The following DGKB variants were observed in gnomAD, a reference collection of about 807,000 sequenced individuals.
DGKB encodes 90 kDa diacylglycerol kinase.
A neutral mutation model predicts 114.3 loss-of-function variants in DGKB; 67 were observed. The ratio of observed to expected loss-of-function variants is 0.59; its 90% CI spans 0.48 to 0.72. DGKB has a LOEUF of 0.72. DGKB is among the 30% of genes least tolerant of loss of function. The probability of loss-of-function intolerance (pLI) is 0.00; values close to 1 mark genes in which losing one functional copy is unlikely to be tolerated. For synonymous variants in DGKB, 398 were observed against 323.1 expected, an observed-to-expected ratio of 1.23 and a Z score of -2.49; for missense variants, 907 against 975.2, an observed-to-expected ratio of 0.93 and a Z score of 0.93.
chr7:14,380,363 C>T (rs1182206585), intron 21 of DGKB, among the ~76,000 whole-genome samples: 1 of 151,974 alleles, frequency 6.6e-6, no homozygotes, highest in African/African-American at 2.4e-5. Context: ...GTCTGATAAT[C>T]AGTGGTTATT....
intron 23 of DGKB, among the ~76,000 whole-genome samples, chr7:14,217,700 A>T (rs2128317720): frequency 6.6e-6 from 1 of 152,132 alleles, no homozygotes; most frequent in African/African-American, 2.4e-5. Context: ...CCACATATAG[A>T]CCTGTATGAA....
chr7:14,293,565 A>T (rs1802088082), intron 23 of DGKB, among the ~76,000 whole-genome samples: 1 of 152,204 alleles, frequency 6.6e-6, no homozygotes, highest in African/African-American at 2.4e-5. Context: ...AAAAACACAT[A>T]AATCATCTGT....
chr7:14,551,375 T>G (rs1279541562), intron 20 of DGKB, among the ~76,000 whole-genome samples: 1 of 152,230 alleles, frequency 6.6e-6, no homozygotes, highest in Non-Finnish European at 1.5e-5. Flanking sequence ...ACACAGCATG[T>G]GATACTAATT....
intron 1 of DGKB, among the ~76,000 whole-genome samples, chr7:14,950,544 A>G (rs1786131872): frequency 1.3e-5 from 2 of 151,968 alleles, no homozygotes; most frequent in Non-Finnish European, 1.5e-5. Flanking sequence ...AAAAGACACA[A>G]ATTACTAAAA....
At chr7:14,840,355 G>T (rs1481822202) in intron 2 of DGKB, among the ~76,000 whole-genome samples, 3 of 151,514 alleles carry the variant, frequency 2.0e-5, no homozygotes, top group African/African-American at 7.3e-5. Context: ...AAGTCTTTTG[G>T]TGCCTGCTAT....
intron 17 of DGKB, among the ~76,000 whole-genome samples, chr7:14,587,662 G>C (rs761323444): frequency 4.6e-5 from 7 of 151,952 alleles, no homozygotes; most frequent in Non-Finnish European, 7.4e-5. Context: ...GAAACTACTA[G>C]AGCCACCTCC....
chr7:14,374,838 A>AC (rs1288422680), intron 21 of DGKB, among the ~76,000 whole-genome samples: 2 of 151,964 alleles, frequency 1.3e-5, no homozygotes, highest in Non-Finnish European at 2.9e-5. Flanking sequence ...TGTGATTACT[A>AC]CCCCCAACCT....
At chr7:14,203,111 G>C (rs1223579329) in intron 23 of DGKB, among the ~76,000 whole-genome samples, 1 of 128,338 alleles carries the variant, frequency 7.8e-6, no homozygotes, top group Non-Finnish European at 1.5e-5. Context: ...AAAATCAACA[G>C]ATGTGCGAAT....
intron 13 of DGKB, among the ~76,000 whole-genome samples, chr7:14,632,585 G>C (rs1174164496): frequency 1.3e-5 from 2 of 151,812 alleles, no homozygotes; most frequent in Non-Finnish European, 2.9e-5. Flanking sequence ...ACGCCTAAAA[G>C]TGTGTAAAAA....
intron 2 of DGKB, among the ~76,000 whole-genome samples, chr7:14,831,548 G>A (rs1299203964): frequency 6.6e-6 from 1 of 151,966 alleles, no homozygotes; most frequent in African/African-American, 2.4e-5. Context: ...CTCTCTGCTT[G>A]TGCAGATGTG....
intron 20 of DGKB, among the ~76,000 whole-genome samples, chr7:14,481,381 G>A (rs1356864254): frequency 1.3e-5 from 2 of 151,890 alleles, no homozygotes; most frequent in South Asian, 2.1e-4. Flanking sequence ...TATGTATTGA[G>A]ATCCCAGAGC....
At chr7:14,937,581 T>C (rs909095398) in intron 1 of DGKB, among the ~76,000 whole-genome samples, 1 of 152,182 alleles carries the variant, frequency 6.6e-6, no homozygotes, top group Admixed American at 6.6e-5. Flanking sequence ...AATCTTAGCA[T>C]CTGAAACACA....
At chr7:14,550,761 C>T (rs985868610) in intron 20 of DGKB, among the ~76,000 whole-genome samples, 1 of 151,964 alleles carries the variant, frequency 6.6e-6, no homozygotes, top group Non-Finnish European at 1.5e-5. Flanking sequence ...ATCTGCAGAC[C>T]AACAGAATTT....
chr7:14,701,616 A>C, intron 7 of DGKB, 65 bp downstream of exon 7: 3 of 1,137,050 alleles, frequency 2.6e-6, no homozygotes, highest in East Asian at 2.3e-5. Flanking sequence ...CTACAAATTT[A>C]TTCATTGCAT....
chr7:14,280,439 G>T (rs1230804684), intron 23 of DGKB, among the ~76,000 whole-genome samples: 1 of 151,216 alleles, frequency 6.6e-6, no homozygotes, highest in Non-Finnish European at 1.5e-5. Context: ...ACACTCTGCA[G>T]GATGTTATCC....
intron 23 of DGKB, among the ~76,000 whole-genome samples, chr7:14,183,241 A>G (rs1445599298): frequency 2.0e-5 from 3 of 152,198 alleles, no homozygotes; most frequent in Non-Finnish European, 4.4e-5. Flanking sequence ...CATTCACTAG[A>G]GTGAATAATT....
At chr7:14,208,492 G>C (rs373194241) in intron 23 of DGKB, among the ~76,000 whole-genome samples, 18 of 151,950 alleles carry the variant, frequency 1.2e-4, no homozygotes, top group South Asian at 8.3e-4. Flanking sequence ...CCTCCCTTTT[G>C]CTGGGTTGCA....
Position 14,893,153 on chromosome 7 carries a change from G to A in DGKB, c.-188+9439C>T, listed in dbSNP as rs148196276. 3.4e-3 allele frequency among the ~76,000 whole-genome samples: 510 copies of A among 151,190 alleles called. 6 individuals carry two copies. Among genetic ancestry groups the A allele is most frequent in the African/African-American group, 0.012 (482 of 41,374 alleles). On this transcript the variant is annotated intron_variant, in intron 1 of 25. Coordinates refer to ENST00000402815, the MANE Select transcript of DGKB (RefSeq NM_001350709.2). The stretch of plus-strand genomic sequence containing the variant: ...ATTAACTCTTTGAATGAGTCACTCT[G>A]TCTCCATTTCCTGAACTCCTACTCA...
intron 21 of DGKB, among the ~76,000 whole-genome samples, chr7:14,398,418 C>G (rs1199604066): frequency 6.6e-6 from 1 of 151,978 alleles, no homozygotes; most frequent in Non-Finnish European, 1.5e-5. Context: ...AAAGGCTGAG[C>G]AACTGACAAT....
Sources: gnomAD v4.1 joint callset for allele counts (sites outside exome capture counted in the v4.1 genomes callset) on GRCh38, gnomAD v4.1.1 for gene constraint, MANE v1.5 for transcripts, NCBI Gene and HGNC (gene_info 2026-07-23, HGNC 2026-07-21) for gene names.